Variants in PCDHGA2 observed in about 807,000 individuals in gnomAD.
PCDHGA2 encodes protocadherin gamma-A2.
In PCDHGA2, 40 loss-of-function variants were observed where a neutral mutation model predicts 59.2. That is an observed-to-expected ratio of 0.68 (90% CI 0.52 to 0.88). The LOEUF is 0.88. PCDHGA2 is among the 40% of genes least tolerant of loss of function. The probability of loss-of-function intolerance (pLI) is 0.00; values close to 1 mark genes in which losing one functional copy is unlikely to be tolerated. For synonymous variants in PCDHGA2, 560 were observed against 526.0 expected (o/e 1.06, Z -0.89); for missense variants, 1,226 against 1,204.0 (o/e 1.02, Z -0.27).
At chr5:141,484,626 C>T (rs1306600907) in intron 1 of PCDHGA2, among the ~76,000 whole-genome samples, 1 of 151,972 alleles carries the variant, frequency 6.6e-6, no homozygotes, top group African/African-American at 2.4e-5. Context: ...CTGGCTTGAA[C>T]AAAGTGACCA....
intron 1 of PCDHGA2, chr5:141,383,918 T>C: frequency 6.2e-7 from 1 of 1,613,948 alleles, no homozygotes. Flanking sequence ...GTTTTAGATG[T>C]AAATGATAAT....
chr5:141,348,614 T>C (rs1195688404), intron 1 of PCDHGA2, among the ~76,000 whole-genome samples: 1 of 152,210 alleles, frequency 6.6e-6, no homozygotes, highest in Admixed American at 6.5e-5. Context: ...CCCATACAAT[T>C]CCACCTACTT....
intron 1 of PCDHGA2, chr5:141,360,310 C>A (rs976415127): frequency 1.6e-5 from 26 of 1,613,804 alleles, no homozygotes; most frequent in Non-Finnish European, 2.1e-5. Context: ...GCTCAGCGTC[C>A]GGGACTTGCC....
At chr5:141,466,716 T>A (rs2099127818) in intron 1 of PCDHGA2, among the ~76,000 whole-genome samples, 1 of 152,210 alleles carries the variant, frequency 6.6e-6, no homozygotes, top group South Asian at 2.1e-4. Flanking sequence ...TGTTCTTGTT[T>A]CCATTTTAGC....
At chr5:141,385,424 C>T in intron 1 of PCDHGA2, 2 of 1,461,926 alleles carry the variant, frequency 1.4e-6, no homozygotes, top group Non-Finnish European at 1.8e-6. Context: ...ATTTAAAAAA[C>T]TTTATAGAGG....
At position 141,489,728 on chromosome 5, in the gene PCDHGA2, G is replaced by T; in HGVS notation, c.2425-5079G>T. ...GACAGTGCCCAGGATCCGGATGTGGGCACCAATACTGTGAGCTTTTACACT... is the reference window on the plus strand; with the variant it reads ...GACAGTGCCCAGGATCCGGATGTGGTCACCAATACTGTGAGCTTTTACACT... On this transcript the variant is annotated intron_variant, in intron 1 of 3. Transcript: ENST00000394576. The surrounding 1 kb of genome is among the most constrained non-coding windows in gnomAD (Gnocchi z 4.5). The T allele has an allele frequency of 3.1e-6, 5 of 1,614,138 alleles. No homozygotes were observed. The South Asian group carries it at 5.5e-5, about 18-fold the overall frequency.
chr5:141,493,979 C>T lies in PCDHGA2; in HGVS notation c.2425-828C>T, dbSNP rs1273325447. ...GAAGTGGCTGGCCAGAGCCCCACAC[C>T]TTCAGCTAGGTGGGAGATGGCTACA... is the stretch of plus-strand genomic sequence containing the variant. On this transcript the variant is annotated intron_variant, in intron 1 of 3. Coordinates refer to ENST00000394576, the MANE Select transcript of PCDHGA2 (RefSeq NM_018915.4). The surrounding 1 kb of genome is among the most constrained non-coding windows in gnomAD (Gnocchi z 4.3). Among the ~76,000 whole-genome samples, 1 of 152,182 alleles carries T rather than the reference C, an allele frequency of 6.6e-6. No individual in the cohort carries two copies. Among genetic ancestry groups the T allele is most frequent in the Non-Finnish European group, 1.5e-5 (1 of 68,032 alleles).
At position 141,340,316 on chromosome 5, in the gene PCDHGA2, G is replaced by A. The variant is rs770680401; in HGVS notation, c.1345G>A (p.Ala449Thr). 5 of 1,614,034 alleles carry A rather than the reference G, an allele frequency of 3.1e-6. No homozygotes were observed. The South Asian group carries it at 5.5e-5, about 18-fold the overall frequency. The change falls in exon 1 of 4, where the codon GCA becomes ACA. Residue 449 changes from alanine (A) to threonine (T), a missense_variant. Ala to Thr is a moderately conservative substitution (Grantham distance 58). Coordinates refer to ENST00000394576, the MANE Select transcript of PCDHGA2 (RefSeq NM_018915.4). ...CCAGGTGGCAGACATCAACGACAAC[G>A]CACCCGCCTTCTCCCGCACATCCTA... ...LLQVADINDNAPAFSRTSYST... is the reference protein window; with the variant it reads ...LLQVADINDNTPAFSRTSYST...
intron 1 of PCDHGA2, among the ~76,000 whole-genome samples, chr5:141,406,812 T>G (rs528041804): frequency 6.6e-6 from 1 of 152,350 alleles, no homozygotes; most frequent in East Asian, 1.9e-4. Context: ...CTCCAACTTT[T>G]GAGTCTAGAA....
intron 1 of PCDHGA2, chr5:141,375,644 G>C: frequency 6.2e-7 from 1 of 1,614,180 alleles, no homozygotes; most frequent in Non-Finnish European, 8.5e-7. Flanking sequence ...GCGCTCCTTC[G>C]ACTATGAGCA....
rs1024041994 is a variant in PCDHGA2 at position 141,409,578 on chromosome 5, T to C, written c.2424+68183T>C. The C allele has an allele frequency of 3.1e-6, 5 of 1,613,824 alleles. No individual in the cohort carries two copies. In the Admixed American group the frequency reaches 6.7e-5, roughly 22 times the overall value. On this transcript the variant is annotated intron_variant, in intron 1 of 3. Coordinates refer to ENST00000394576, the MANE Select transcript of PCDHGA2 (RefSeq NM_018915.4). Reference sequence around the variant, plus strand: ...GTTTTCGACCAGACGTCCTACGTGGTCCACGTGGCCGAGAACAACCCGCCA... The same window carrying C: ...GTTTTCGACCAGACGTCCTACGTGGCCCACGTGGCCGAGAACAACCCGCCA...
chr5:141,414,023 A>G lies in PCDHGA2; in HGVS notation c.2424+72628A>G, dbSNP rs746044242. 5 of 1,612,692 alleles carry G rather than the reference A, an allele frequency of 3.1e-6. No homozygotes were observed. The highest frequency in any genetic ancestry group is 2.2e-5 in the East Asian group (1 of 44,836). ...GAAGGTGCCAATGGAGAAGTGACAT[A>G]TTCATTCCGAAAATTACCTGACACG... On this transcript the variant is annotated intron_variant, in intron 1 of 3. Transcript: ENST00000394576.
At chr5:141,360,913 T>G in intron 1 of PCDHGA2, 1 of 1,614,030 alleles carries the variant, frequency 6.2e-7, no homozygotes, top group Non-Finnish European at 8.5e-7. Flanking sequence ...GCCGGGCTTC[T>G]TTGTGCTTCA....
At chr5:141,384,906 C>G (rs767972748) in intron 1 of PCDHGA2, 3 of 1,613,882 alleles carry the variant, frequency 1.9e-6, no homozygotes, top group East Asian at 4.5e-5. Flanking sequence ...ACAGCATCCC[C>G]GAAGTCTTGG....
intron 1 of PCDHGA2, chr5:141,419,828 AC>A (rs1189387492): frequency 6.2e-7 from 1 of 1,614,022 alleles, no homozygotes; most frequent in Non-Finnish European, 8.5e-7. Flanking sequence ...CCTTTCAGCC[AC>A]TGCCACGCTG....
At chr5:141,410,480 G>A in intron 1 of PCDHGA2, 1 of 1,613,966 alleles carries the variant, frequency 6.2e-7, no homozygotes, top group Non-Finnish European at 8.5e-7. Context: ...TGCACATACG[G>A]GTACAAAAGA....
intron 1 of PCDHGA2, chr5:141,418,345 T>G: frequency 6.2e-7 from 1 of 1,614,000 alleles, no homozygotes; most frequent in Non-Finnish European, 8.5e-7. Context: ...ATCCTGATAT[T>G]AGTATGAATT....
At chr5:141,422,957 A>C in intron 1 of PCDHGA2, 1 of 1,614,190 alleles carries the variant, frequency 6.2e-7, no homozygotes. Flanking sequence ...ACTGGCGTGG[A>C]GCTGGCGCCC....
intron 1 of PCDHGA2, among the ~76,000 whole-genome samples, chr5:141,454,476 A>G (rs918910449): frequency 6.6e-6 from 1 of 151,806 alleles, no homozygotes; most frequent in Non-Finnish European, 1.5e-5. Flanking sequence ...GCATGATCTC[A>G]GCTCACCGCA....
Sources: gnomAD v4.1 joint callset for allele counts (sites outside exome capture counted in the v4.1 genomes callset) on GRCh38, gnomAD v4.1.1 for gene constraint, Gnocchi (gnomAD v3.1) non-coding constraint, MANE v1.5 for transcripts, NCBI Gene and HGNC (gene_info 2026-07-23, HGNC 2026-07-21) for gene names.